ZNF365: variants seen among roughly 807,000 people sequenced by gnomAD.
ZNF365 encodes zinc finger protein 365.
In ZNF365, 22 loss-of-function variants were observed where a neutral mutation model predicts 35.0. That is an observed-to-expected ratio of 0.63 (90% CI 0.45 to 0.90). The LOEUF is 0.90. Ranked by LOEUF, ZNF365 falls within the 40% of genes least tolerant of loss-of-function variation. The pLI, the probability that ZNF365 is intolerant of heterozygous loss-of-function variation, is 0.00. For missense variants in ZNF365, 448 were observed against 500.3 expected, an observed-to-expected ratio of 0.90 and a Z score of 1.00; for synonymous variants, 188 against 196.2, an observed-to-expected ratio of 0.96 and a Z score of 0.35.
At chr10:62,445,587 C>CT in intron 3 of ZNF365, among the ~76,000 whole-genome samples, 1 of 152,128 alleles carries the variant, frequency 6.6e-6, no homozygotes. Flanking sequence ...TTGAATGGCA[C>CT]TTTTCTAGAG....
At chr10:62,421,976 T>C (rs763388900) in intron 3 of ZNF365, among the ~76,000 whole-genome samples, 3 of 152,244 alleles carry the variant, frequency 2.0e-5, no homozygotes, top group Non-Finnish European at 4.4e-5. Context: ...AGCTTCCTCT[T>C]ATCTGCAAGG....
chr10:62,392,938 G>C lies in ZNF365; in HGVS notation c.924+4362G>C, dbSNP rs368591439. Among the ~76,000 whole-genome samples the C allele has an allele frequency of 4.7e-4, 72 of 152,228 alleles. 1 individual carries two copies. The East Asian group carries it at 0.011, about 24-fold the overall frequency. On this transcript the variant is annotated intron_variant, in intron 3 of 4. Coordinates refer to ENST00000395254, the MANE Select transcript of ZNF365 (RefSeq NM_014951.3). ...TGAGCCACCGCACCCGGCCCTATGT[G>C]CTTATTTTTATACCAGAGAAGTACA...
chr10:62,442,707 A>G (rs774848508), intron 3 of ZNF365, among the ~76,000 whole-genome samples: 11 of 152,206 alleles, frequency 7.2e-5, no homozygotes, highest in Non-Finnish European at 1.5e-4. Context: ...TGGTGGACTC[A>G]ACTCCTGGTT....
At chr10:62,455,556 T>C (rs1840748897) in intron 3 of ZNF365, among the ~76,000 whole-genome samples, 1 of 151,952 alleles carries the variant, frequency 6.6e-6, no homozygotes. Context: ...ATATACTGTA[T>C]ATGAGAGATA....
chr10:62,479,761 A>G (rs1841191723), intron 4 of ZNF365: 1 of 730,040 alleles, frequency 1.4e-6, no homozygotes. Flanking sequence ...AAGAGTTGCC[A>G]GTACAATTGT....
chr10:62,397,019 GA>G (rs1351370373), intron 3 of ZNF365, among the ~76,000 whole-genome samples: 1 of 152,262 alleles, frequency 6.6e-6, no homozygotes, highest in Non-Finnish European at 1.5e-5. Flanking sequence ...GTGGGGTAGA[GA>G]AAGTTGATGC....
At chr10:62,450,524 A>T (rs1483569245) in intron 3 of ZNF365, among the ~76,000 whole-genome samples, 1 of 152,078 alleles carries the variant, frequency 6.6e-6, no homozygotes, top group Non-Finnish European at 1.5e-5. Flanking sequence ...TTTACACTGA[A>T]CTCAGCAAGT....
intron 3 of ZNF365, among the ~76,000 whole-genome samples, chr10:62,410,357 A>ATC (rs995113049): frequency 6.6e-6 from 1 of 151,524 alleles, no homozygotes; most frequent in Non-Finnish European, 1.5e-5. Flanking sequence ...GTATAGAGGA[A>ATC]TCTCTCTCTC....
intron 4 of ZNF365, among the ~76,000 whole-genome samples, chr10:62,472,700 G>A (rs1841062695): frequency 6.6e-6 from 1 of 152,156 alleles, no homozygotes; most frequent in East Asian, 1.9e-4. Context: ...TTGGTGTATG[G>A]TGCTTTGTGA....
chr10:62,433,168 A>C (rs765997088), intron 3 of ZNF365, among the ~76,000 whole-genome samples: 1 of 152,190 alleles, frequency 6.6e-6, no homozygotes, highest in Non-Finnish European at 1.5e-5. Flanking sequence ...ATAAAAACTG[A>C]GGTAAAGGAA....
chr10:62,461,865 C>T (rs996512330), intron 4 of ZNF365, among the ~76,000 whole-genome samples: 3 of 152,124 alleles, frequency 2.0e-5, no homozygotes, highest in African/African-American at 4.8e-5. Flanking sequence ...TTAATCCCTT[C>T]GACAATAAGC....
chr10:62,406,547 T>G (rs550942551), downstream of ZNF365, among the ~76,000 whole-genome samples: 4 of 152,220 alleles, frequency 2.6e-5, no homozygotes, highest in Non-Finnish European at 5.9e-5. Flanking sequence ...ATAAGGTATT[T>G]GTGGAGTATG....
At chr10:62,389,693 G>A (rs1259372285) in intron 3 of ZNF365, among the ~76,000 whole-genome samples, 5 of 152,162 alleles carry the variant, frequency 3.3e-5, no homozygotes, top group South Asian at 2.1e-4. Context: ...GAGGAAGGAC[G>A]GAAAGAAATG....
chr10:62,422,061 A>G (rs1283984009), intron 3 of ZNF365, among the ~76,000 whole-genome samples: 1 of 152,224 alleles, frequency 6.6e-6, no homozygotes, highest in Non-Finnish European at 1.5e-5. Flanking sequence ...TCTAGTCCAG[A>G]GAAACCAAGT....
chr10:62,412,319 C>T (rs1242469330), intron 3 of ZNF365, among the ~76,000 whole-genome samples: 1 of 152,096 alleles, frequency 6.6e-6, no homozygotes, highest in African/African-American at 2.4e-5. Flanking sequence ...AACAAACCCA[C>T]AGCCAATATC....
At chr10:62,381,005 A>C (rs1002773411) in intron 2 of ZNF365, among the ~76,000 whole-genome samples, 1 of 152,180 alleles carries the variant, frequency 6.6e-6, no homozygotes, top group African/African-American at 2.4e-5. Context: ...GGAACATAAA[A>C]TGCTTGCTGT....
At chr10:62,427,528 T>C (rs1232166251) in intron 3 of ZNF365, among the ~76,000 whole-genome samples, 1 of 152,194 alleles carries the variant, frequency 6.6e-6, no homozygotes, top group Admixed American at 6.5e-5. Flanking sequence ...TGTTTAAGGA[T>C]GCGTGACTTA....
intron 3 of ZNF365, among the ~76,000 whole-genome samples, chr10:62,444,354 C>G (rs1221864137): frequency 2.0e-5 from 3 of 152,190 alleles, no homozygotes; most frequent in Non-Finnish European, 4.4e-5. Flanking sequence ...TGTATAACTT[C>G]TGAGCCCTCT....
chr10:62,380,299 T>C (rs1839415624), intron 2 of ZNF365, among the ~76,000 whole-genome samples: 1 of 152,254 alleles, frequency 6.6e-6, no homozygotes, highest in African/African-American at 2.4e-5. Context: ...ACCCTTCTGT[T>C]TCTCCTCCTC....
Sources: allele counts gnomAD v4.1 joint callset (sites outside exome capture counted in the v4.1 genomes callset), GRCh38; gene constraint gnomAD v4.1.1; transcripts MANE v1.5; gene names NCBI Gene and HGNC (gene_info 2026-07-23, HGNC 2026-07-21).